ABL1: variants seen among roughly 807,000 people sequenced by gnomAD.
ABL1 encodes ABL proto-oncogene 1, non-receptor tyrosine kinase.
ABL1 carries 11 observed loss-of-function variants against 94.7 expected under a neutral mutation model. The observed-to-expected ratio is 0.12, with a 90% confidence interval of 0.07 to 0.19. The LOEUF (loss-of-function observed/expected upper bound fraction) is 0.19, where lower values mean the gene tolerates loss of function less well. Ranked by LOEUF, ABL1 falls within the 10% of genes least tolerant of loss-of-function variation. The pLI, the probability that ABL1 is intolerant of heterozygous loss-of-function variation, is 1.00. For missense variants in ABL1, 1,082 were observed against 1,489.4 expected (o/e 0.73, Z 4.50); for synonymous variants, 656 against 622.4 (o/e 1.05, Z -0.80).
At chr9:130,744,879 C>G (rs1010598596) in intron 1 of ABL1, among the ~76,000 whole-genome samples, 1 of 148,404 alleles carries the variant, frequency 6.7e-6, no homozygotes, top group Non-Finnish European at 1.5e-5. Flanking sequence ...AAAAACAAAA[C>G]TATCTTTTCT....
At chr9:130,733,458 A>G (rs1831691880) in intron 1 of ABL1, among the ~76,000 whole-genome samples, 1 of 151,914 alleles carries the variant, frequency 6.6e-6, no homozygotes, top group Non-Finnish European at 1.5e-5. Context: ...TTCTTGTAGC[A>G]GGGTCTCAGT....
At chr9:130,761,125 T>C (rs527791589) in intron 1 of ABL1, among the ~76,000 whole-genome samples, 206 of 151,954 alleles carry the variant, frequency 1.4e-3, no homozygotes, top group African/African-American at 4.7e-3. Flanking sequence ...TAATATTTTG[T>C]TTTCGGTATG....
chr9:130,859,161 C>A (rs1479913719), intron 3 of ABL1, among the ~76,000 whole-genome samples: 1 of 152,198 alleles, frequency 6.6e-6, no homozygotes, highest in East Asian at 1.9e-4. Flanking sequence ...GCCTAAAGTT[C>A]TTAGTTCTGA....
Position 130,827,784 on chromosome 9 carries a change from A to G in ABL1, c.137-26280A>G, listed in dbSNP as rs531511888. Among the ~76,000 whole-genome samples the G allele has an allele frequency of 5.3e-5, 8 of 151,856 alleles. No individual in the cohort carries two copies. The East Asian group carries it at 1.6e-3, about 29-fold the overall frequency. On this transcript the variant is annotated intron_variant, in intron 1 of 10. Coordinates refer to the ABL1 transcript ENST00000372348. ...GTGGCAGGCACCTGTAATCCCAGCT[A>G]TTGGGAGGCTGAGGCAGGAGAATTG... is the stretch of plus-strand genomic sequence containing the variant.
chr9:130,782,250 G>A (rs1226646446), intron 1 of ABL1, among the ~76,000 whole-genome samples: 6 of 152,002 alleles, frequency 3.9e-5, no homozygotes, highest in African/African-American at 1.5e-4. Context: ...TAGTAGAGAC[G>A]GGGTTTTGCT....
At chr9:130,762,593 C>T (rs1223913865) in intron 1 of ABL1, among the ~76,000 whole-genome samples, 3 of 152,114 alleles carry the variant, frequency 2.0e-5, no homozygotes, top group Non-Finnish European at 4.4e-5. Context: ...TCTTCCTCCT[C>T]TGCTAGTTAT....
chr9:130,864,370 G>A (rs1235577991), intron 4 of ABL1, among the ~76,000 whole-genome samples: 2 of 151,992 alleles, frequency 1.3e-5, no homozygotes, highest in Admixed American at 6.6e-5. Context: ...TCAGCCTCAC[G>A]AGTAGCTGGG....
chr9:130,726,858 G>A (rs144147710), intron 1 of ABL1, among the ~76,000 whole-genome samples: 115 of 152,184 alleles, frequency 7.6e-4, no homozygotes, highest in Middle Eastern at 3.4e-3. Flanking sequence ...TCCAACATAG[G>A]CATTTAAAGC....
intron 1 of ABL1, among the ~76,000 whole-genome samples, chr9:130,767,326 A>G (rs1447211311): frequency 6.6e-6 from 1 of 152,142 alleles, no homozygotes; most frequent in African/African-American, 2.4e-5. Context: ...GCCATGTTAC[A>G]GTGGAGAGTC....
chr9:130,713,577 C>T (rs1449315057), exon 1 of ABL1, among the ~76,000 whole-genome samples: 2 of 152,224 alleles, frequency 1.3e-5, no homozygotes, highest in African/African-American at 4.8e-5. Context: ...GGGGTCTCCC[C>T]TTCCCCCAAG....
At chr9:130,859,933 C>T (rs1455257210) in intron 3 of ABL1, among the ~76,000 whole-genome samples, 1 of 152,036 alleles carries the variant, frequency 6.6e-6, no homozygotes, top group Non-Finnish European at 1.5e-5. Context: ...CCCTCCTTGG[C>T]CTCCCAAAGT....
At chr9:130,778,953 C>T (rs943459206) in intron 1 of ABL1, among the ~76,000 whole-genome samples, 3 of 152,026 alleles carry the variant, frequency 2.0e-5, no homozygotes. Flanking sequence ...TTTAAAAGTC[C>T]CTTGTATTTT....
intron 1 of ABL1, among the ~76,000 whole-genome samples, chr9:130,827,257 G>A (rs1830438389): frequency 6.6e-6 from 1 of 152,098 alleles, no homozygotes; most frequent in South Asian, 2.1e-4. Flanking sequence ...GCTAGCCAGG[G>A]GCCTAATAAG....
chr9:130,769,036 G>T (rs1305018210), intron 1 of ABL1, among the ~76,000 whole-genome samples: 1 of 152,136 alleles, frequency 6.6e-6, no homozygotes, highest in African/African-American at 2.4e-5. Flanking sequence ...AATGGATCGG[G>T]GTGGGTATGG....
At position 130,861,700 on chromosome 9, in the gene ABL1, G is replaced by C. The variant is rs889225987; in HGVS notation, c.550-1063G>C. On this transcript the variant is annotated intron_variant, in intron 3 of 10. Coordinates refer to ENST00000318560, the MANE Select transcript of ABL1 (RefSeq NM_005157.6). ...TCTTTGCAGTTTGGGCAAGTCTTCTGAATGCCTAGTCATGATTTTAAGTCT... is the reference window on the plus strand; with the variant it reads ...TCTTTGCAGTTTGGGCAAGTCTTCTCAATGCCTAGTCATGATTTTAAGTCT... Among the ~76,000 whole-genome samples the C allele has an allele frequency of 1.2e-4, 19 of 152,136 alleles. 1 individual carries two copies. Among genetic ancestry groups the C allele is most frequent in the African/African-American group, 4.3e-4 (18 of 41,428 alleles).
chr9:130,729,041 C>T (rs760213503), intron 1 of ABL1, among the ~76,000 whole-genome samples: 2 of 152,092 alleles, frequency 1.3e-5, no homozygotes, highest in Non-Finnish European at 2.9e-5. Context: ...AGTGACTGGT[C>T]GTTAAGTTAG....
intron 10 of ABL1, among the ~76,000 whole-genome samples, chr9:130,881,183 G>T (rs1831446706): frequency 6.6e-6 from 1 of 152,216 alleles, no homozygotes. Flanking sequence ...CTCAGGAGGG[G>T]GTCTCAAGAC....
chr9:130,721,419 T>C (rs975419857), intron 1 of ABL1, among the ~76,000 whole-genome samples: 3 of 150,324 alleles, frequency 2.0e-5, no homozygotes. Context: ...CTCTTAAAAT[T>C]ATACTAAGGC....
intron 1 of ABL1, among the ~76,000 whole-genome samples, chr9:130,841,687 C>G (rs1830674838): frequency 6.6e-6 from 1 of 151,828 alleles, no homozygotes; most frequent in South Asian, 2.1e-4. Context: ...TGGGGAGTGC[C>G]TGTAATCCCA....
Sources: allele counts gnomAD v4.1 joint callset (sites outside exome capture counted in the v4.1 genomes callset), GRCh38; gene constraint gnomAD v4.1.1; transcripts MANE v1.5; gene names NCBI Gene and HGNC (gene_info 2026-07-23, HGNC 2026-07-21).